MED13L: variants seen among roughly 807,000 people sequenced by gnomAD.
MED13L encodes the protein mediator complex subunit 13L.
MED13L carries 7 observed loss-of-function variants against 220.9 expected under a neutral mutation model. That is an observed-to-expected ratio of 0.03 (90% CI 0.02 to 0.06). The LOEUF (loss-of-function observed/expected upper bound fraction) is 0.06, where lower values mean the gene tolerates loss of function less well. MED13L is among the 10% of genes least tolerant of loss of function. The pLI, the probability that MED13L is intolerant of heterozygous loss-of-function variation, is 1.00. For synonymous variants in MED13L, 1,011 were observed against 1,015.2 expected, an observed-to-expected ratio of 1.00 and a Z score of 0.08; for missense variants, 1,965 against 2,760.5, an observed-to-expected ratio of 0.71 and a Z score of 6.46.
At chr12:116,141,060 C>T (rs1047925268) in intron 2 of MED13L, among the ~76,000 whole-genome samples, 3 of 152,066 alleles carry the variant, frequency 2.0e-5, no homozygotes, top group Non-Finnish European at 2.9e-5. Context: ...GGGCTAAGCA[C>T]AACAAATAAA....
chr12:116,099,255 T>TC (rs770375713), intron 3 of MED13L, among the ~76,000 whole-genome samples: 32 of 152,322 alleles, frequency 2.1e-4, no homozygotes, highest in Admixed American at 1.1e-3. Context: ...TGTCACATTT[T>TC]CCCAATTCTT....
At chr12:116,119,809 T>TTAAAAAA (rs1874842410) in intron 2 of MED13L, among the ~76,000 whole-genome samples, 1 of 38,784 alleles carries the variant, frequency 2.6e-5, no homozygotes, top group African/African-American at 1.1e-4. Context: ...CCCATATCTT[T>TTAAAAAA]AAAAAAAAAA....
intron 1 of MED13L, among the ~76,000 whole-genome samples, chr12:116,262,882 T>C (rs1872603682): frequency 6.6e-6 from 1 of 152,194 alleles, no homozygotes; most frequent in Admixed American, 6.5e-5. Context: ...TTCATACATA[T>C]CTCTCTCAAG....
chr12:116,057,388 C>T (rs1266826666), intron 4 of MED13L, among the ~76,000 whole-genome samples: 1 of 151,890 alleles, frequency 6.6e-6, no homozygotes, highest in Non-Finnish European at 1.5e-5. Flanking sequence ...CTCTATCTAG[C>T]GTATTAGTTA....
chr12:116,012,368 T>A (rs902473310), intron 9 of MED13L, among the ~76,000 whole-genome samples: 1 of 152,182 alleles, frequency 6.6e-6, no homozygotes, highest in African/African-American at 2.4e-5. Context: ...TGTGACCAAA[T>A]ACCTGTCTCG....
At chr12:116,113,163 T>C (rs1252719782) in intron 2 of MED13L, among the ~76,000 whole-genome samples, 1 of 152,176 alleles carries the variant, frequency 6.6e-6, no homozygotes, top group African/African-American at 2.4e-5. Flanking sequence ...TCTGAATCAC[T>C]CTTCAACCCA....
chr12:115,967,768 G>T (rs1367674381), intron 28 of MED13L, among the ~76,000 whole-genome samples: 2 of 152,098 alleles, frequency 1.3e-5, no homozygotes, highest in Admixed American at 6.5e-5. Flanking sequence ...CTTGCCTCCA[G>T]AATTCAAATT....
At chr12:116,042,889 T>G (rs559704899) in intron 4 of MED13L, among the ~76,000 whole-genome samples, 1 of 152,290 alleles carries the variant, frequency 6.6e-6, no homozygotes, top group South Asian at 2.1e-4. Flanking sequence ...TATGGTGCCA[T>G]TACACTGTTT....
At chr12:115,990,873 A>C (rs1878011347) in intron 17 of MED13L, 147 bp downstream of exon 17, 1 of 803,616 alleles carries the variant, frequency 1.2e-6, no homozygotes, top group East Asian at 2.7e-5. Context: ...TTTAGGATAA[A>C]ATCAATACAG....
At chr12:116,094,281 A>G (rs965055542) in intron 4 of MED13L, among the ~76,000 whole-genome samples, 3 of 152,248 alleles carry the variant, frequency 2.0e-5, no homozygotes, top group Non-Finnish European at 4.4e-5. Context: ...CTAATTGTTA[A>G]GCTTTTCTGA....
At chr12:116,194,827 G>C (rs1881514822) in intron 2 of MED13L, among the ~76,000 whole-genome samples, 1 of 152,038 alleles carries the variant, frequency 6.6e-6, no homozygotes, top group South Asian at 2.1e-4. Context: ...CAAATACAAA[G>C]CAACAACAGG....
chr12:116,045,114 G>A (rs571867831), intron 4 of MED13L, among the ~76,000 whole-genome samples: 8 of 152,274 alleles, frequency 5.3e-5, no homozygotes, highest in South Asian at 4.1e-4. Flanking sequence ...AAAATGCACC[G>A]TTATATTTTA....
intron 2 of MED13L, among the ~76,000 whole-genome samples, chr12:116,206,733 A>C (rs1383741686): frequency 6.6e-6 from 1 of 152,214 alleles, no homozygotes; most frequent in Non-Finnish European, 1.5e-5. Context: ...ATTTAAACAT[A>C]CTGAAAGAAG....
intron 1 of MED13L, among the ~76,000 whole-genome samples, chr12:116,253,755 T>G (rs1353606742): frequency 1.8e-4 from 14 of 77,912 alleles, no homozygotes; most frequent in African/African-American, 6.1e-4. Context: ...TTTTTTTTGT[T>G]TTTTTTTTTT....
chr12:116,098,896 T>C (rs1872835196), intron 3 of MED13L, among the ~76,000 whole-genome samples: 1 of 152,138 alleles, frequency 6.6e-6, no homozygotes, highest in Non-Finnish European at 1.5e-5. Flanking sequence ...ATCTCCACAG[T>C]TTATTCACCA....
chr12:116,244,335 A>T (rs926123533), intron 1 of MED13L, among the ~76,000 whole-genome samples: 2 of 152,226 alleles, frequency 1.3e-5, no homozygotes, highest in African/African-American at 2.4e-5. Context: ...AAACATACAC[A>T]TCTGCTTTTG....
chr12:116,111,376 T>C (rs958188012), intron 3 of MED13L, 52 bp downstream of exon 3: 24 of 1,414,772 alleles, frequency 1.7e-5, no homozygotes, highest in Non-Finnish European at 2.0e-5. Context: ...TCTCGGTATC[T>C]AGCAATATAC....
intron 13 of MED13L, among the ~76,000 whole-genome samples, chr12:116,003,427 G>A (rs923730855): frequency 3.3e-5 from 5 of 151,734 alleles, no homozygotes; most frequent in African/African-American, 1.2e-4. Flanking sequence ...AGTAGTAACT[G>A]ACAATTGGTC....
chr12:116,019,166 T>C (rs1424510529), intron 7 of MED13L, 58 bp downstream of exon 7: 2 of 1,531,378 alleles, frequency 1.3e-6, no homozygotes, highest in African/African-American at 2.7e-5. Flanking sequence ...CCATGGCAGG[T>C]AGACTATACA....
Sources: gnomAD v4.1 joint callset for allele counts (sites outside exome capture counted in the v4.1 genomes callset) on GRCh38, gnomAD v4.1.1 for gene constraint, MANE v1.5 for transcripts, NCBI Gene and HGNC (gene_info 2026-07-23, HGNC 2026-07-21) for gene names.